The following ZBTB8OS variants were observed in gnomAD, a reference collection of about 807,000 sequenced individuals.
ZBTB8OS encodes tRNA splicing ligase complex subunit 1, also known as tRNA-splicing ligase-activating factor archease.
A neutral mutation model predicts 29.3 loss-of-function variants in ZBTB8OS; 16 were observed. The ratio of observed to expected loss-of-function variants is 0.55; its 90% CI spans 0.37 to 0.83. The LOEUF (loss-of-function observed/expected upper bound fraction) is 0.83. Ranked by LOEUF, ZBTB8OS falls within the 40% of genes least tolerant of loss-of-function variation. The pLI is 0.00. For synonymous variants in ZBTB8OS, 70 were observed against 64.6 expected (o/e 1.08, Z -0.40); for missense variants, 160 against 196.9 (o/e 0.81, Z 1.12).
intron 1 of ZBTB8OS, among the ~76,000 whole-genome samples, chr1:32,639,415 T>G (rs1646235973): frequency 6.6e-6 from 1 of 151,948 alleles, no homozygotes; most frequent in Non-Finnish European, 1.5e-5. Context: ...TGGGCTCAAG[T>G]GCTTACCACC....
At chr1:32,644,704 C>CA (rs1553190215) in intron 1 of ZBTB8OS, among the ~76,000 whole-genome samples, 1 of 105,584 alleles carries the variant, frequency 9.5e-6, no homozygotes, top group Admixed American at 1.1e-4. Context: ...CCACACCCAG[C>CA]TTTTTTTTTT....
At chr1:32,624,660 G>C (rs1425031463) in intron 6 of ZBTB8OS, among the ~76,000 whole-genome samples, 2 of 151,306 alleles carry the variant, frequency 1.3e-5, no homozygotes. Flanking sequence ...TTGGGAGGCC[G>C]AGGCAGGTGG....
chr1:32,627,437 G>T (rs1645203986), intron 6 of ZBTB8OS, 71 bp downstream of exon 6: 2 of 1,369,978 alleles, frequency 1.5e-6, no homozygotes, highest in South Asian at 1.2e-5. Context: ...AACTGAAGTT[G>T]ATTGTCACAT....
intron 1 of ZBTB8OS, among the ~76,000 whole-genome samples, chr1:32,648,309 A>C (rs919007311): frequency 6.6e-6 from 1 of 152,258 alleles, no homozygotes; most frequent in Non-Finnish European, 1.5e-5. Flanking sequence ...ATAACTGTCC[A>C]AGTTAAAATA....
Position 32,649,904 on chromosome 1 carries a change from T to G in ZBTB8OS, c.97+529A>C, listed in dbSNP as rs375404591. The stretch of plus-strand genomic sequence containing the variant: ...ATCTCGAACTTCCGACCTCAGGTGA[T>G]CCGCCCGCCTCGGCCTCCCAAAGTG... On this transcript the variant is annotated intron_variant, in intron 1 of 6. Coordinates refer to ENST00000468695, the MANE Select transcript of ZBTB8OS (RefSeq NM_178547.5). Among the ~76,000 whole-genome samples the G allele has an allele frequency of 1.2e-4, 19 of 152,186 alleles. No individual in the cohort carries two copies. The East Asian group carries it at 3.3e-3, about 26-fold the overall frequency.
chr1:32,639,997 G>A (rs1001522386), intron 1 of ZBTB8OS: 3 of 152,092 alleles, frequency 2.0e-5, no homozygotes, highest in Non-Finnish European at 4.4e-5. Context: ...ATCATAACCA[G>A]TTATACATTT....
intron 1 of ZBTB8OS, among the ~76,000 whole-genome samples, chr1:32,648,422 A>C (rs543845871): frequency 1.3e-5 from 2 of 152,368 alleles, no homozygotes; most frequent in South Asian, 4.1e-4. Flanking sequence ...TGGATGTACA[A>C]GTGTATTCAC....
intron 2 of ZBTB8OS, 178 bp from the exon 3 acceptor site, chr1:32,634,250 T>C (rs1255344318): frequency 4.5e-6 from 2 of 445,832 alleles, no homozygotes; most frequent in Admixed American, 4.2e-5. Context: ...TTTTTTAGAC[T>C]GAGTCTCACT....
chr1:32,626,695 C>T (rs750808202), intron 6 of ZBTB8OS, among the ~76,000 whole-genome samples: 9 of 152,022 alleles, frequency 5.9e-5, no homozygotes, highest in South Asian at 4.1e-4. Context: ...ATTACAGGCG[C>T]GTGCCACCAC....
rs78907409 is a variant in ZBTB8OS at position 32,621,966 on chromosome 1, GAAAAAAA to G, written c.418-25_418-19del. The stretch of plus-strand genomic sequence containing the variant: ...TCTGTTCCCTAAAGTTGGGGTTAGA[GAAAAAAA>G]AAAAAAAAAGGAAAATAGGATATTG... On this transcript the variant is annotated intron_variant, in intron 6 of 6. Transcript: ENST00000468695. 5 of 921,594 alleles carry G rather than the reference GAAAAAAA, an allele frequency of 5.4e-6. No individual in the cohort carries two copies. The highest frequency in any genetic ancestry group is 3.8e-5 in the South Asian group (2 of 53,070). 57.1% of individuals were successfully genotyped at this position (921,594 alleles called of 1,614,324 possible).
intron 1 of ZBTB8OS, among the ~76,000 whole-genome samples, chr1:32,638,752 A>G (rs1646184164): frequency 6.6e-6 from 1 of 151,674 alleles, no homozygotes; most frequent in South Asian, 2.1e-4. Context: ...GTCTCTACTG[A>G]AAATAGAAAA....
At chr1:32,641,758 CA>C (rs891045366) in intron 1 of ZBTB8OS, among the ~76,000 whole-genome samples, 221 of 131,628 alleles carry the variant, frequency 1.7e-3, no homozygotes, top group Admixed American at 2.3e-3. Flanking sequence ...CTAAAAAATA[CA>C]AAAAAAAAAA....
At chr1:32,650,659 C>A, upstream of ZBTB8OS, 2 of 1,550,874 alleles carry the variant, frequency 1.3e-6, no homozygotes, top group South Asian at 1.2e-5. Context: ...TCGGAGTTGG[C>A]TGTTGACCTA....
intron 1 of ZBTB8OS, among the ~76,000 whole-genome samples, chr1:32,647,266 C>CAAAAAAA (rs71006348): frequency 2.8e-4 from 38 of 134,554 alleles, no homozygotes; most frequent in Admixed American, 5.3e-4. Flanking sequence ...TACTCTGTCT[C>CAAAAAAA]AAAAAAAAAA....
intron 6 of ZBTB8OS, among the ~76,000 whole-genome samples, chr1:32,623,600 T>C (rs1644893177): frequency 6.6e-6 from 1 of 152,140 alleles, no homozygotes; most frequent in East Asian, 1.9e-4. Context: ...CCAACTCCCA[T>C]ACGTGAGTAC....
At chr1:32,643,731 G>A (rs1289528886) in intron 1 of ZBTB8OS, among the ~76,000 whole-genome samples, 5 of 151,926 alleles carry the variant, frequency 3.3e-5, no homozygotes, top group South Asian at 2.1e-4. Context: ...TCCTGACCTC[G>A]TAATCCGCCT....
At chr1:32,649,908 C>T (rs1397292179) in intron 1 of ZBTB8OS, among the ~76,000 whole-genome samples, 1 of 152,176 alleles carries the variant, frequency 6.6e-6, no homozygotes, top group Admixed American at 6.6e-5. Flanking sequence ...AGGTGATCCG[C>T]CCGCCTCGGC....
intron 1 of ZBTB8OS, among the ~76,000 whole-genome samples, chr1:32,643,866 T>G (rs983616853): frequency 6.6e-6 from 1 of 151,446 alleles, no homozygotes; most frequent in African/African-American, 2.4e-5. Context: ...GTTGCACAGG[T>G]TGCTCAAACT....
At chr1:32,636,340 G>C (rs1371020590) in intron 1 of ZBTB8OS, among the ~76,000 whole-genome samples, 1 of 152,216 alleles carries the variant, frequency 6.6e-6, no homozygotes, top group African/African-American at 2.4e-5. Flanking sequence ...CCATCTTGAT[G>C]AATCGGCTTT....
Sources: gnomAD v4.1 joint callset for allele counts (sites outside exome capture counted in the v4.1 genomes callset) on GRCh38, gnomAD v4.1.1 for gene constraint, MANE v1.5 for transcripts, NCBI Gene and HGNC (gene_info 2026-07-23, HGNC 2026-07-21) for gene names.